Variants in KHDRBS3 observed in about 807,000 individuals in gnomAD.
KHDRBS3 encodes KH domain-containing, RNA-binding, signal transduction-associated protein 3.
A neutral mutation model predicts 45.6 loss-of-function variants in KHDRBS3; 23 were observed. That is an observed-to-expected ratio of 0.50 (90% CI 0.36 to 0.72). The LOEUF (loss-of-function observed/expected upper bound fraction) is 0.72, where lower values mean the gene tolerates loss of function less well. Among genes scored for constraint, KHDRBS3 ranks in the 30% least tolerant of loss-of-function variants. The pLI is 0.00. For missense variants in KHDRBS3, 352 were observed against 424.8 expected, an observed-to-expected ratio of 0.83 and a Z score of 1.51; for synonymous variants, 162 against 156.5, an observed-to-expected ratio of 1.04 and a Z score of -0.26.
At chr8:135,501,011 T>G (rs1823709912) in intron 1 of KHDRBS3, among the ~76,000 whole-genome samples, 1 of 152,170 alleles carries the variant, frequency 6.6e-6, no homozygotes, top group Non-Finnish European at 1.5e-5. Flanking sequence ...CTACTTAACT[T>G]GATAGGGAAA....
chr8:135,515,402 A>AAAAAAAAG (rs1824537754), intron 1 of KHDRBS3, among the ~76,000 whole-genome samples: 1 of 113,858 alleles, frequency 8.8e-6, no homozygotes, highest in Non-Finnish European at 1.8e-5. Flanking sequence ...AAAAAAAAAA[A>AAAAAAAAG]GATTCCCTGT....
At chr8:135,500,020 T>C (rs1487537255) in intron 1 of KHDRBS3, among the ~76,000 whole-genome samples, 1 of 152,230 alleles carries the variant, frequency 6.6e-6, no homozygotes, top group Non-Finnish European at 1.5e-5. Flanking sequence ...ATAATGGCTA[T>C]AATTACCTTC....
intron 6 of KHDRBS3, among the ~76,000 whole-genome samples, chr8:135,598,685 A>G (rs542026370): frequency 7.9e-5 from 12 of 152,336 alleles, no homozygotes; most frequent in Non-Finnish European, 8.8e-5. Context: ...CTCATAGTCT[A>G]ATGAGTCTCA....
At chr8:135,579,535 C>G (rs565994049) in intron 5 of KHDRBS3, among the ~76,000 whole-genome samples, 1 of 152,126 alleles carries the variant, frequency 6.6e-6, no homozygotes, top group Non-Finnish European at 1.5e-5. Flanking sequence ...CGGGGTTTCA[C>G]CATGTTGGCC....
At chr8:135,498,775 A>G (rs1823587355) in intron 1 of KHDRBS3, among the ~76,000 whole-genome samples, 1 of 152,182 alleles carries the variant, frequency 6.6e-6, no homozygotes, top group Admixed American at 6.5e-5. Context: ...TACGTTAAAT[A>G]TATACTCTGA....
chr8:135,634,529 A>G (rs1409956334), intron 7 of KHDRBS3, among the ~76,000 whole-genome samples: 1 of 152,222 alleles, frequency 6.6e-6, no homozygotes, highest in Non-Finnish European at 1.5e-5. Context: ...TTTAATTCCT[A>G]AAGAAAATTA....
intron 6 of KHDRBS3, among the ~76,000 whole-genome samples, chr8:135,586,103 T>G (rs1213819270): frequency 6.6e-6 from 1 of 152,180 alleles, no homozygotes; most frequent in Non-Finnish European, 1.5e-5. Context: ...TAAAGAAGGA[T>G]GTAATATTTG....
At chr8:135,628,586 G>A (rs1369441485) in intron 7 of KHDRBS3, among the ~76,000 whole-genome samples, 1 of 152,188 alleles carries the variant, frequency 6.6e-6, no homozygotes, top group Non-Finnish European at 1.5e-5. Context: ...TCTATTATTA[G>A]TGTGATATTA....
intron 1 of KHDRBS3, among the ~76,000 whole-genome samples, chr8:135,469,745 T>C (rs979018810): frequency 6.6e-6 from 1 of 152,152 alleles, no homozygotes; most frequent in African/African-American, 2.4e-5. Flanking sequence ...GCCAGGCTGG[T>C]CTCAAACTCC....
intron 5 of KHDRBS3, among the ~76,000 whole-genome samples, chr8:135,579,773 A>G (rs1298021144): frequency 4.6e-5 from 7 of 152,196 alleles, no homozygotes; most frequent in Non-Finnish European, 4.4e-5. Flanking sequence ...GGTGGGTTAC[A>G]TTGATTTTCT....
At chr8:135,599,650 G>C (rs748992086) in intron 6 of KHDRBS3, among the ~76,000 whole-genome samples, 16 of 152,170 alleles carry the variant, frequency 1.1e-4, no homozygotes, top group Non-Finnish European at 4.4e-5. Context: ...ACAAGAGAAA[G>C]GGCCTGCTTT....
Position 135,505,924 on chromosome 8 carries a change from C to T in KHDRBS3, c.89-15313C>T, listed in dbSNP as rs528882259. Among the ~76,000 whole-genome samples the T allele has an allele frequency of 2.0e-5, 3 of 152,214 alleles. No individual in the cohort carries two copies. In the East Asian group the frequency reaches 5.8e-4, roughly 30 times the overall value. ...GAAACACAGTGGGAAGGAACAAGTCCCCTACCTCACATTCCCGATTCGCAG... is the reference window on the plus strand; with the variant it reads ...GAAACACAGTGGGAAGGAACAAGTCTCCTACCTCACATTCCCGATTCGCAG... On this transcript the variant is annotated intron_variant, in intron 1 of 8. Transcript: ENST00000355849.
chr8:135,603,852 C>T (rs546504240), intron 6 of KHDRBS3, among the ~76,000 whole-genome samples: 23 of 152,150 alleles, frequency 1.5e-4, no homozygotes, highest in Non-Finnish European at 3.1e-4. Flanking sequence ...ATGTTTCATG[C>T]GCAGTGGAGA....
Position 135,546,376 on chromosome 8 carries a change from A to G in KHDRBS3, c.325-2378A>G, listed in dbSNP as rs527998975. Among the ~76,000 whole-genome samples the G allele has an allele frequency of 2.0e-5, 3 of 152,318 alleles. No homozygotes were observed. In the South Asian group the frequency reaches 6.2e-4, roughly 32 times the overall value. On this transcript the variant is annotated intron_variant, in intron 3 of 8. Transcript: ENST00000355849. ...TGTTCACTATTAAAATCTAATGTGAATATAATTTTTCTGCATTTATTTGCT... is the reference window on the plus strand; with the variant it reads ...TGTTCACTATTAAAATCTAATGTGAGTATAATTTTTCTGCATTTATTTGCT...
intron 4 of KHDRBS3, among the ~76,000 whole-genome samples, chr8:135,550,311 CTT>C (rs910181636): frequency 1.1e-4 from 16 of 152,150 alleles, no homozygotes; most frequent in Admixed American, 2.6e-4. Flanking sequence ...CCAAAAAAGT[CTT>C]TGCCTAATGA....
chr8:135,645,879 T>C (rs1334462180), intron 8 of KHDRBS3, among the ~76,000 whole-genome samples: 1 of 152,156 alleles, frequency 6.6e-6, no homozygotes, highest in Admixed American at 6.5e-5. Context: ...TTGTGGTTAA[T>C]GGATGTTAGG....
intron 3 of KHDRBS3, among the ~76,000 whole-genome samples, chr8:135,545,342 TG>T (rs1484686766): frequency 1.3e-5 from 2 of 152,160 alleles, no homozygotes; most frequent in Non-Finnish European, 2.9e-5. Context: ...GTAAGCAACA[TG>T]GGAAAAACAT....
At chr8:135,483,670 C>A (rs1021899050) in intron 1 of KHDRBS3, among the ~76,000 whole-genome samples, 1 of 152,148 alleles carries the variant, frequency 6.6e-6, no homozygotes, top group African/African-American at 2.4e-5. Flanking sequence ...AGGGCATCAG[C>A]CTTAGGTGCC....
intron 7 of KHDRBS3, among the ~76,000 whole-genome samples, chr8:135,643,398 G>A (rs145408070): frequency 6.6e-6 from 1 of 152,330 alleles, no homozygotes; most frequent in Non-Finnish European, 1.5e-5. Context: ...CCAAAAGAAT[G>A]AGAACCAGGG....
Sources: allele counts gnomAD v4.1 joint callset (sites outside exome capture counted in the v4.1 genomes callset), GRCh38; gene constraint gnomAD v4.1.1; transcripts MANE v1.5; gene names NCBI Gene and HGNC (gene_info 2026-07-23, HGNC 2026-07-21).